Variants in SLCO1A2 observed in about 807,000 individuals in gnomAD.
SLCO1A2 encodes OATP-1.
A neutral mutation model predicts 69.0 loss-of-function variants in SLCO1A2; 67 were observed. The observed-to-expected ratio is 0.97, with a 90% confidence interval of 0.80 to 1.19. The LOEUF (loss-of-function observed/expected upper bound fraction) is 1.19, where lower values mean the gene tolerates loss of function less well. Among genes scored for constraint, SLCO1A2 ranks in the 50% most tolerant of loss-of-function variants. SLCO1A2 has a pLI of 0.00. For synonymous variants in SLCO1A2, 260 were observed against 265.9 expected (o/e 0.98, Z 0.22); for missense variants, 787 against 793.7 (o/e 0.99, Z 0.10).
At chr12:21,370,138 T>G (rs1939672735) in intron 2 of SLCO1A2, among the ~76,000 whole-genome samples, 1 of 152,166 alleles carries the variant, frequency 6.6e-6, no homozygotes, top group African/African-American at 2.4e-5. Context: ...AATTTGTCTT[T>G]CATTCTGCTC....
intron 14 of SLCO1A2, chr12:21,274,133 T>C (rs1168919794): frequency 6.1e-6 from 1 of 163,548 alleles, no homozygotes; most frequent in Admixed American, 6.2e-5. Context: ...CAGGATAAAA[T>C]GAGAGCCTTT....
chr12:21,303,275 T>C (rs1292874963), intron 6 of SLCO1A2, among the ~76,000 whole-genome samples: 2 of 152,168 alleles, frequency 1.3e-5, no homozygotes, highest in Admixed American at 1.3e-4. Context: ...ACCATAGTAT[T>C]TGTTGAATAA....
rs758813833 is a variant in SLCO1A2 at position 21,272,865 on chromosome 12, C to A, written c.1793+1604G>T. Among the ~76,000 whole-genome samples the A allele has an allele frequency of 6.2e-4, 94 of 152,248 alleles. 1 individual carries two copies. Among genetic ancestry groups the A allele is most frequent in the Middle Eastern group, 3.4e-3 (1 of 294 alleles). On this transcript the variant is annotated intron_variant, in intron 14 of 14. Transcript: ENST00000683939. ...ATTGGTTGGAATAAATCTAATTAAT[C>A]ATTTTCACATTTTTAGGAAAATGTA...
chr12:21,284,262 C>T (rs1455160324), intron 12 of SLCO1A2, among the ~76,000 whole-genome samples: 3 of 152,014 alleles, frequency 2.0e-5, no homozygotes, highest in Non-Finnish European at 4.4e-5. Context: ...GGGGGAGGAG[C>T]CAAGATGGCC....
At chr12:21,293,108 G>A (rs1314815349) in intron 11 of SLCO1A2, among the ~76,000 whole-genome samples, 3 of 152,114 alleles carry the variant, frequency 2.0e-5, no homozygotes, top group African/African-American at 7.2e-5. Flanking sequence ...TTCGAGACCA[G>A]CCTGACCAAC....
intron 10 of SLCO1A2, 69 bp from the exon 11 acceptor site, chr12:21,294,179 T>TAA: frequency 8.1e-7 from 1 of 1,227,386 alleles, no homozygotes; most frequent in Non-Finnish European, 1.1e-6. Context: ...TCTTTTCATC[T>TAA]CAATCCCCAG....
Position 21,353,208 on chromosome 12 carries a change from A to G in SLCO1A2, c.-62-18499T>C, listed in dbSNP as rs138962110. Among the ~76,000 whole-genome samples, 24 of 152,284 alleles carry G rather than the reference A, an allele frequency of 1.6e-4. No individual in the cohort carries two copies. The East Asian group carries it at 3.9e-3, about 24-fold the overall frequency. On this transcript the variant is annotated intron_variant, in intron 2 of 15. Transcript: ENST00000307378. ...ATATTTGGAGCCTGTTAATTTTATC[A>G]TATCTACTTAAGTTGGAAGTTACTT...
intron 2 of SLCO1A2, among the ~76,000 whole-genome samples, chr12:21,343,404 A>G (rs558483699): frequency 4.6e-5 from 7 of 152,222 alleles, no homozygotes; most frequent in African/African-American, 1.7e-4. Flanking sequence ...CTTATTGCTT[A>G]TATTCATCTG....
At position 21,300,426 on chromosome 12, in the gene SLCO1A2, T is replaced by C. The variant is rs1948564374; in HGVS notation, c.832A>G (p.Asn278Asp). Residue 278 changes from asparagine (N) to aspartate (D), a missense_variant, in exon 8 of 15, where the codon AAT becomes GAT. Physicochemically the swap from Asn to Asp is conservative, Grantham distance 23. Coordinates refer to ENST00000683939, the MANE Select transcript of SLCO1A2 (RefSeq NM_001386879.1). ...TTTTCATTTTTAATGATGTCAGCATTAGTCTCTAGTCCTTCCTTTGGAAGT... is the reference window on the plus strand; with the variant it reads ...TTTTCATTTTTAATGATGTCAGCATCAGTCTCTAGTCCTTCCTTTGGAAGT... ...NTLPKEGLET[N>D]ADIIKNENED... The C allele has an allele frequency of 6.2e-7, 1 of 1,613,648 alleles. No homozygotes were observed. Among genetic ancestry groups the C allele is most frequent in the East Asian group, 2.2e-5 (1 of 44,854 alleles).
In SLCO1A2 at chr12:21,344,137, T is replaced by C. The variant is rs575122703; in HGVS notation, c.-62-9428A>G. On this transcript the variant is annotated intron_variant, in intron 2 of 15. Coordinates refer to the SLCO1A2 transcript ENST00000307378. ...ACTGAGTGACCATTTGCATGTAGCA[T>C]TGATGTTACAGGTACATTAAGCAAC... Among the ~76,000 whole-genome samples the C allele has an allele frequency of 1.2e-4, 19 of 152,246 alleles. 1 individual carries two copies. The East Asian group carries it at 3.1e-3, about 25-fold the overall frequency.
intron 2 of SLCO1A2, among the ~76,000 whole-genome samples, chr12:21,332,011 C>T (rs1032033173): frequency 2.0e-5 from 3 of 152,064 alleles, no homozygotes; most frequent in Non-Finnish European, 4.4e-5. Context: ...AGGGGCACCT[C>T]CACTCAGAAT....
chr12:21,408,713 CGTGT>C (rs3060712), intron 1 of SLCO1A2, among the ~76,000 whole-genome samples: 58,057 of 150,080 alleles, frequency 0.39, 11,440 homozygotes, highest in Non-Finnish European at 0.46. Flanking sequence ...TCAGCGCATG[CGTGT>C]GTGTGTGTGT....
intron 10 of SLCO1A2, chr12:21,294,787 A>T (rs1285652213): frequency 6.6e-6 from 1 of 152,204 alleles, no homozygotes; most frequent in Non-Finnish European, 1.5e-5. Context: ...TTATCATTAA[A>T]TTTCTCTGAA....
intron 1 of SLCO1A2, among the ~76,000 whole-genome samples, chr12:21,411,874 C>T (rs550530349): frequency 4.6e-5 from 7 of 151,902 alleles, no homozygotes; most frequent in East Asian, 1.9e-4. Flanking sequence ...TTTGTAGAGA[C>T]GGGGTTTTGC....
upstream of SLCO1A2, among the ~76,000 whole-genome samples, chr12:21,399,012 A>G (rs1252730697): frequency 1.3e-5 from 2 of 150,048 alleles, no homozygotes; most frequent in African/African-American, 4.9e-5. Context: ...AGAGTGTTGG[A>G]AGTTCTGGCC....
chr12:21,280,339 CAT>C (rs1944559922), intron 12 of SLCO1A2, among the ~76,000 whole-genome samples: 1 of 151,828 alleles, frequency 6.6e-6, no homozygotes, highest in African/African-American at 2.4e-5. Flanking sequence ...CTACTAGAAA[CAT>C]ATGTCACTCA....
At chr12:21,340,060 C>T (rs1034229021) in intron 2 of SLCO1A2, among the ~76,000 whole-genome samples, 2 of 151,998 alleles carry the variant, frequency 1.3e-5, no homozygotes, top group African/African-American at 2.4e-5. Flanking sequence ...CCTCAATGCT[C>T]TTCTGATTCT....
intron 11 of SLCO1A2, among the ~76,000 whole-genome samples, chr12:21,292,622 G>A (rs989611287): frequency 4.6e-5 from 7 of 151,898 alleles, no homozygotes; most frequent in African/African-American, 1.7e-4. Flanking sequence ...TTGAAACAGA[G>A]ACTCACCCTG....
At chr12:21,312,369 G>A (rs1565491452) in intron 4 of SLCO1A2, among the ~76,000 whole-genome samples, 2 of 152,152 alleles carry the variant, frequency 1.3e-5, no homozygotes, top group African/African-American at 4.8e-5. Flanking sequence ...CTGGCTCAAG[G>A]GAATGTTGTG....
Sources: allele counts gnomAD v4.1 joint callset (sites outside exome capture counted in the v4.1 genomes callset), GRCh38; gene constraint gnomAD v4.1.1; transcripts MANE v1.5; gene names NCBI Gene and HGNC (gene_info 2026-07-23, HGNC 2026-07-21).